The following KIF26B variants were observed in gnomAD, a reference collection of about 807,000 sequenced individuals.
KIF26B encodes the protein kinesin-like protein KIF26B.
Under a neutral mutation model 151.2 loss-of-function variants are expected in KIF26B, and 63 were observed. The ratio of observed to expected loss-of-function variants is 0.42; its 90% CI spans 0.34 to 0.51. KIF26B has a LOEUF of 0.51. Ranked by LOEUF, KIF26B falls within the 20% of genes least tolerant of loss-of-function variation. The pLI is 0.07. For missense variants in KIF26B, 2,813 were observed against 2,913.6 expected (o/e 0.97, Z 0.79); for synonymous variants, 1,357 against 1,262.1 (o/e 1.08, Z -1.59).
chr1:245,381,411 A>C (rs992518501), intron 3 of KIF26B, among the ~76,000 whole-genome samples: 1 of 152,210 alleles, frequency 6.6e-6, no homozygotes, highest in Non-Finnish European at 1.5e-5. Context: ...TGCAGTCTAC[A>C]TGAGGCCCAG....
chr1:245,676,487 A>G (rs1249464105), intron 10 of KIF26B: 3 of 152,270 alleles, frequency 2.0e-5, no homozygotes, highest in Non-Finnish European at 2.9e-5. Context: ...TGTTATTTAT[A>G]AATTGGAGTT....
At position 245,168,586 on chromosome 1, in the gene KIF26B, A is replaced by G. The variant is rs373840332; in HGVS notation, c.465+11903A>G. 2.6e-5 allele frequency among the ~76,000 whole-genome samples: 4 copies of G among 152,360 alleles called. No individual in the cohort carries two copies. The East Asian group carries it at 5.8e-4, about 22-fold the overall frequency. ...CTGCCATATTGATTAGGATTTAGAA[A>G]TAACATACGAAGAGTTCTTCCTGAG... On this transcript the variant is annotated intron_variant, in intron 2 of 14. Transcript: ENST00000407071.
intron 2 of KIF26B, among the ~76,000 whole-genome samples, chr1:245,314,358 A>T (rs936220123): frequency 6.6e-6 from 1 of 152,096 alleles, no homozygotes; most frequent in Non-Finnish European, 1.5e-5. Flanking sequence ...AGGCCGAGGC[A>T]GGAGAATCGC....
chr1:245,205,741 C>G (rs1391852063), intron 2 of KIF26B, among the ~76,000 whole-genome samples: 1 of 144,614 alleles, frequency 6.9e-6, no homozygotes, highest in African/African-American at 2.6e-5. Flanking sequence ...GACATAGGGT[C>G]TCGTTCTGTT....
chr1:245,287,807 C>G (rs1671193223), intron 2 of KIF26B, among the ~76,000 whole-genome samples: 1 of 152,112 alleles, frequency 6.6e-6, no homozygotes. Flanking sequence ...CCGGCCTGAT[C>G]TCTTTACTGA....
At chr1:245,442,082 T>A (rs534250454) in intron 4 of KIF26B, among the ~76,000 whole-genome samples, 1 of 152,310 alleles carries the variant, frequency 6.6e-6, no homozygotes, top group Admixed American at 6.5e-5. Flanking sequence ...GCTTAGGGTA[T>A]TTCATTAATC....
chr1:245,673,506 A>G (rs1388558307), intron 10 of KIF26B, among the ~76,000 whole-genome samples: 3 of 152,368 alleles, frequency 2.0e-5, no homozygotes, highest in South Asian at 4.1e-4. Context: ...ACCCTTTCAG[A>G]TATTTCCTGG....
chr1:245,383,834 ATTC>A (rs921548406), intron 3 of KIF26B, among the ~76,000 whole-genome samples: 60 of 152,322 alleles, frequency 3.9e-4, no homozygotes, highest in African/African-American at 1.4e-3. Flanking sequence ...TAGAGGCTTT[ATTC>A]TTCTAGAAAA....
intron 4 of KIF26B, among the ~76,000 whole-genome samples, chr1:245,508,783 C>T (rs1462642398): frequency 2.0e-5 from 3 of 152,196 alleles, no homozygotes; most frequent in Admixed American, 6.5e-5. Flanking sequence ...CCAAATGTAT[C>T]GGTTTATCAA....
At chr1:245,183,627 G>A (rs78838103) in intron 2 of KIF26B, among the ~76,000 whole-genome samples, 15,707 of 152,156 alleles carry the variant, frequency 0.1, 876 homozygotes, top group Middle Eastern at 0.13. Context: ...AAAGACTGAC[G>A]TAAGAATTTG....
In KIF26B at chr1:245,156,536, C is replaced by T. The variant is rs1229696955; in HGVS notation, c.318C>T (p.Phe106=). The change falls in exon 2 of 15, where the codon TTC becomes TTT. Residue 106 remains phenylalanine, a synonymous_variant. Transcript: ENST00000407071. ...SPGSLGGSPG[F]GTGSPGSGSG... ...GCTCCTTGGGCGGCTCTCCGGGCTT[C>T]GGCACAGGCTCCCCGGGCTCCGGCA... 6.5e-7 allele frequency: 1 copy of T among 1,536,140 alleles called. No individual in the cohort carries two copies. The highest frequency in any genetic ancestry group is 2.5e-5 in the East Asian group (1 of 40,566).
At chr1:245,247,799 G>C (rs751207533) in intron 2 of KIF26B, among the ~76,000 whole-genome samples, 2 of 152,214 alleles carry the variant, frequency 1.3e-5, no homozygotes, top group Non-Finnish European at 2.9e-5. Flanking sequence ...TTGGAGAAGA[G>C]GGAACAGAGA....
In KIF26B at chr1:245,495,120, A is replaced by G. The variant is rs1026262755; in HGVS notation, c.1167-45647A>G. On this transcript the variant is annotated intron_variant, in intron 4 of 14. Coordinates refer to ENST00000407071, the MANE Select transcript of KIF26B (RefSeq NM_018012.4). The surrounding 1 kb of genome is among the most constrained non-coding windows in gnomAD (Gnocchi z 4.2). ...TGAAATAATGGATATTAAGAACACA[A>G]CAAGTGGATCTAATAGCAGATTAGA... Among the ~76,000 whole-genome samples, 2 of 152,220 alleles carry G rather than the reference A, an allele frequency of 1.3e-5. No individual in the cohort carries two copies. The highest frequency in any genetic ancestry group is 2.9e-5 in the Non-Finnish European group (2 of 68,044).
At chr1:245,637,044 T>G (rs1021570447) in intron 9 of KIF26B, among the ~76,000 whole-genome samples, 2 of 152,154 alleles carry the variant, frequency 1.3e-5, no homozygotes, top group African/African-American at 4.8e-5. Context: ...GCAGTGGGAT[T>G]GCTGGATCAT....
At chr1:245,217,205 A>G (rs759814285) in intron 2 of KIF26B, among the ~76,000 whole-genome samples, 11 of 152,138 alleles carry the variant, frequency 7.2e-5, no homozygotes, top group Non-Finnish European at 1.2e-4. Flanking sequence ...AACAACAACA[A>G]TGACAAGAAC....
chr1:245,235,324 G>A (rs938773214), intron 2 of KIF26B, among the ~76,000 whole-genome samples: 3 of 152,092 alleles, frequency 2.0e-5, no homozygotes, highest in Admixed American at 2.0e-4. Context: ...GGGTGTGGTG[G>A]CTCATGCTTG....
At position 245,372,654 on chromosome 1, in the gene KIF26B, G is replaced by A. The variant is rs549108709; in HGVS notation, c.999+5287G>A. 2.1e-3 allele frequency among the ~76,000 whole-genome samples: 323 copies of A among 152,316 alleles called. 8 individuals carry two copies. The highest frequency in any genetic ancestry group is 9.3e-3 in the South Asian group (45 of 4,828). On this transcript the variant is annotated intron_variant, in intron 3 of 14. Coordinates refer to ENST00000407071, the MANE Select transcript of KIF26B (RefSeq NM_018012.4). ...GATTAGTTCCTTGTAATCAACTACA[G>A]ATTAGTTACCTCTTTTTGAATGGCA...
intron 8 of KIF26B, among the ~76,000 whole-genome samples, chr1:245,610,803 T>G (rs10924252): frequency 0.44 from 67,253 of 152,064 alleles, 15,287 homozygotes; most frequent in East Asian, 0.66. Context: ...AGACAAAATT[T>G]TGAACACAAA....
chr1:245,543,235 G>C (rs1661663707), intron 5 of KIF26B, among the ~76,000 whole-genome samples: 1 of 152,130 alleles, frequency 6.6e-6, no homozygotes, highest in Non-Finnish European at 1.5e-5. Flanking sequence ...GAGTGTCCCA[G>C]CCAGCAGGAT....
Sources: gnomAD v4.1 joint callset for allele counts (sites outside exome capture counted in the v4.1 genomes callset) on GRCh38, gnomAD v4.1.1 for gene constraint, Gnocchi (gnomAD v3.1) non-coding constraint, MANE v1.5 for transcripts, NCBI Gene and HGNC (gene_info 2026-07-23, HGNC 2026-07-21) for gene names.